TRIM2: variants seen among roughly 807,000 people sequenced by gnomAD.
The protein encoded by TRIM2 is tripartite motif-containing protein 2.
In TRIM2, 20 loss-of-function variants were observed where a neutral mutation model predicts 75.2. The observed-to-expected ratio is 0.27, with a 90% CI of 0.19 to 0.39. The LOEUF (loss-of-function observed/expected upper bound fraction) is 0.39, where lower values mean the gene tolerates loss of function less well. Ranked by LOEUF, TRIM2 falls within the 10% of genes least tolerant of loss-of-function variation. The pLI is 1.00. For missense variants in TRIM2, 660 were observed against 990.8 expected (o/e 0.67, Z 4.48); for synonymous variants, 373 against 388.3 (o/e 0.96, Z 0.46).
At chr4:153,318,896 C>G (rs2149540859) in intron 8 of TRIM2, among the ~76,000 whole-genome samples, 1 of 152,158 alleles carries the variant, frequency 6.6e-6, no homozygotes, top group East Asian at 1.9e-4. Flanking sequence ...CACTCATGCC[C>G]CCTAGAGGAT....
At chr4:153,265,736 A>G (rs1417253372) in intron 1 of TRIM2, 1 of 151,318 alleles carries the variant, frequency 6.6e-6, no homozygotes. Context: ...TTCAAATTTT[A>G]GTGCTACAAA....
upstream of TRIM2, among the ~76,000 whole-genome samples, chr4:153,201,623 G>T (rs1371556422): frequency 2.0e-5 from 3 of 152,078 alleles, no homozygotes; most frequent in Non-Finnish European, 4.4e-5. Flanking sequence ...GGAGGTAAAA[G>T]CTGCAGTGAG....
At chr4:153,165,502 G>A (rs1730207256) in intron 1 of TRIM2, among the ~76,000 whole-genome samples, 2 of 151,434 alleles carry the variant, frequency 1.3e-5, no homozygotes, top group South Asian at 4.2e-4. Context: ...GGCTATTTTT[G>A]TTTGTTTGTT....
rs186541357 is a variant in TRIM2 at position 153,257,706 on chromosome 4, A to T, written c.31-12629A>T. On this transcript the variant is annotated intron_variant, in intron 1 of 11. Coordinates refer to ENST00000338700, the MANE Select transcript of TRIM2 (RefSeq NM_015271.5). ...TTTGGATTGCCGCGTAGCTGCAGCG[A>T]CAGACTTGGGAGGATTTAATTCTTT... 2.3e-5 allele frequency: 18 copies of T among 799,812 alleles called. No individual in the cohort carries two copies. In the African/African-American group the frequency reaches 2.5e-4, roughly 11 times the overall value. The allele number at this position is 799,812 out of a possible 1,614,324, so 49.5% of individuals were successfully genotyped here.
At chr4:153,238,420 T>C (rs72965046) in intron 1 of TRIM2, among the ~76,000 whole-genome samples, 5,610 of 152,250 alleles carry the variant, frequency 0.037, 271 homozygotes, top group African/African-American at 0.11. Flanking sequence ...CACATTCCTT[T>C]ACTGGAGACA....
intron 8 of TRIM2, among the ~76,000 whole-genome samples, chr4:153,318,631 TTATA>T (rs1399047811): frequency 1.3e-5 from 2 of 152,224 alleles, no homozygotes; most frequent in African/African-American, 2.4e-5. Context: ...TTGAAAATGT[TTATA>T]TAGTTTGGAG....
chr4:153,193,999 C>T (rs1460777609), intron 1 of TRIM2, among the ~76,000 whole-genome samples: 1 of 152,132 alleles, frequency 6.6e-6, no homozygotes, highest in Non-Finnish European at 1.5e-5. Context: ...ACTGAGAAGC[C>T]TGGACAAACT....
intron 2 of TRIM2, among the ~76,000 whole-genome samples, chr4:153,271,212 T>A (rs1016128782): frequency 5.3e-5 from 8 of 152,148 alleles, no homozygotes; most frequent in Non-Finnish European, 1.2e-4. Flanking sequence ...TTATCTTACT[T>A]ATAAATATTT....
rs1004238447 is a variant in TRIM2 at position 153,338,844 on chromosome 4, T to G, written c.*3878T>G. The G allele has an allele frequency of 4.9e-5, 48 of 985,718 alleles. No homozygotes were observed. In the African/African-American group the frequency reaches 7.7e-4, roughly 16 times the overall value. 61.1% of individuals were successfully genotyped at this position (985,718 alleles called of 1,614,324 possible). A position where few individuals can be genotyped will look rare whatever the true frequency, so the allele number is the denominator to read the frequency against. Reference sequence around the variant, plus strand: ...ACAGCCTTAAACTCAATGCTTTTGCTTTATGACATGGGAATGTTCTGTCAT... The same window carrying G: ...ACAGCCTTAAACTCAATGCTTTTGCGTTATGACATGGGAATGTTCTGTCAT... On this transcript the variant is annotated 3_prime_UTR_variant, in exon 12 of 12. Coordinates refer to ENST00000338700, the MANE Select transcript of TRIM2 (RefSeq NM_015271.5).
chr4:153,154,481 C>T lies in TRIM2; in HGVS notation c.-49+1211C>T, dbSNP rs926655240. Among the ~76,000 whole-genome samples, 9 of 152,300 alleles carry T rather than the reference C, an allele frequency of 5.9e-5. No homozygotes were observed. The South Asian group carries it at 1.9e-3, about 32-fold the overall frequency. On this transcript the variant is annotated intron_variant, in intron 1 of 11. Coordinates refer to the TRIM2 transcript ENST00000437508. ...TATAATGGGTGTAACAGGATAATAT[C>T]AGATATCCATCAAAGTAATATCTAA...
intron 6 of TRIM2, chr4:153,308,446 CAGGTGTCTT>C: frequency 1.3e-6 from 1 of 799,450 alleles, no homozygotes; most frequent in Non-Finnish European, 2.3e-6. Context: ...TCATACTGAG[CAGGTGTCTT>C]TAATAGGCCC....
intron 1 of TRIM2, among the ~76,000 whole-genome samples, chr4:153,238,611 A>C (rs1219113599): frequency 1.3e-5 from 2 of 152,240 alleles, no homozygotes; most frequent in African/African-American, 4.8e-5. Context: ...GGAATAACCC[A>C]GGATTCTCTG....
intron 1 of TRIM2, chr4:153,222,513 C>T (rs1740878288): frequency 6.6e-6 from 1 of 152,168 alleles, no homozygotes; most frequent in Admixed American, 6.5e-5. Context: ...CGGGCACCAA[C>T]TTGCGTGTTT....
chr4:153,291,673 T>TTA (rs2150128067), intron 3 of TRIM2, among the ~76,000 whole-genome samples: 1 of 152,284 alleles, frequency 6.6e-6, no homozygotes, highest in East Asian at 1.9e-4. Flanking sequence ...TTTTCTGGCT[T>TTA]TATATTATAT....
At chr4:153,285,516 A>G (rs1190626313) in intron 3 of TRIM2, among the ~76,000 whole-genome samples, 1 of 152,172 alleles carries the variant, frequency 6.6e-6, no homozygotes, top group Non-Finnish European at 1.5e-5. Context: ...TTAAAAAAAT[A>G]GAGATAGGTC....
chr4:153,170,316 T>C (rs1277638690), intron 1 of TRIM2, among the ~76,000 whole-genome samples: 1 of 152,204 alleles, frequency 6.6e-6, no homozygotes, highest in Non-Finnish European at 1.5e-5. Context: ...TATGAATATG[T>C]TCATTAGAAT....
intron 11 of TRIM2, among the ~76,000 whole-genome samples, chr4:153,330,820 A>G (rs1397714456): frequency 2.0e-5 from 3 of 152,212 alleles, no homozygotes; most frequent in Non-Finnish European, 4.4e-5. Flanking sequence ...ATGTCTCACC[A>G]TTCTTGTTCA....
intron 1 of TRIM2, among the ~76,000 whole-genome samples, chr4:153,219,151 A>G (rs147475010): frequency 2.0e-4 from 30 of 152,292 alleles, no homozygotes; most frequent in Admixed American, 2.6e-4. Context: ...ACATTGGTTG[A>G]TCTTATGACA....
At chr4:153,307,701 T>A (rs984205074) in intron 6 of TRIM2, 1 of 543,644 alleles carries the variant, frequency 1.8e-6, no homozygotes, top group Non-Finnish European at 3.5e-6. Context: ...GCGGGTTTTC[T>A]AGACCTGTTA....
Sources: gnomAD v4.1 joint callset for allele counts (sites outside exome capture counted in the v4.1 genomes callset) on GRCh38, gnomAD v4.1.1 for gene constraint, MANE v1.5 for transcripts, NCBI Gene and HGNC (gene_info 2026-07-23, HGNC 2026-07-21) for gene names.